CNNM2: variants seen among roughly 807,000 people sequenced by gnomAD.
CNNM2 encodes the protein metal transporter CNNM2.
A neutral mutation model predicts 66.9 loss-of-function variants in CNNM2; 12 were observed. The observed-to-expected ratio is 0.18, with a 90% CI of 0.11 to 0.29. The LOEUF (loss-of-function observed/expected upper bound fraction) is 0.29, where lower values mean the gene tolerates loss of function less well. Among genes scored for constraint, CNNM2 ranks in the 10% least tolerant of loss-of-function variants. The probability of loss-of-function intolerance (pLI) is 1.00; values close to 1 mark genes in which losing one functional copy is unlikely to be tolerated. For synonymous variants in CNNM2, 557 were observed against 501.8 expected, an observed-to-expected ratio of 1.11 and a Z score of -1.47; for missense variants, 705 against 1,167.7, an observed-to-expected ratio of 0.60 and a Z score of 5.77.
intron 1 of CNNM2, among the ~76,000 whole-genome samples, chr10:103,015,150 TATTC>T (rs909659013): frequency 6.6e-6 from 1 of 152,214 alleles, no homozygotes; most frequent in Non-Finnish European, 1.5e-5. Context: ...CACTACCATT[TATTC>T]ATTCAGGGGT....
intron 1 of CNNM2, among the ~76,000 whole-genome samples, chr10:103,001,252 T>C (rs2064117026): frequency 6.6e-6 from 1 of 152,050 alleles, no homozygotes; most frequent in South Asian, 2.1e-4. Context: ...GAGATGGGTG[T>C]TGGTGATGGT....
intron 1 of CNNM2, among the ~76,000 whole-genome samples, chr10:102,970,827 A>AG (rs2063535682): frequency 6.6e-6 from 1 of 152,156 alleles, no homozygotes; most frequent in African/African-American, 2.4e-5. Context: ...TCACCCTGGA[A>AG]GGGAAGAGAC....
intron 4 of CNNM2, among the ~76,000 whole-genome samples, chr10:103,061,670 A>G (rs959141657): frequency 6.6e-6 from 1 of 152,224 alleles, no homozygotes; most frequent in Non-Finnish European, 1.5e-5. Context: ...TATGGGCTTA[A>G]TCCTAAAATC....
At chr10:102,957,701 AGAAC>A (rs1214736422) in intron 1 of CNNM2, among the ~76,000 whole-genome samples, 1 of 152,138 alleles carries the variant, frequency 6.6e-6, no homozygotes, top group African/African-American at 2.4e-5. Flanking sequence ...CTAATAGGAG[AGAAC>A]CATCTTTTTA....
At chr10:103,018,534 A>G (rs934694164) in intron 1 of CNNM2, among the ~76,000 whole-genome samples, 1 of 152,074 alleles carries the variant, frequency 6.6e-6, no homozygotes, top group Non-Finnish European at 1.5e-5. Context: ...AGAAGTATAG[A>G]CAGAAGAAAA....
intron 1 of CNNM2, among the ~76,000 whole-genome samples, chr10:103,031,157 G>A (rs2064812447): frequency 6.6e-6 from 1 of 152,144 alleles, no homozygotes; most frequent in Non-Finnish European, 1.5e-5. Flanking sequence ...AGATGTGTGG[G>A]CTGCTTCCAA....
chr10:103,000,002 A>C (rs945775748), intron 1 of CNNM2, among the ~76,000 whole-genome samples: 4 of 152,112 alleles, frequency 2.6e-5, no homozygotes, highest in Admixed American at 2.0e-4. Flanking sequence ...TTGGGAGGTC[A>C]AGGCAGATGG....
At chr10:102,930,849 C>T (rs185419541) in intron 1 of CNNM2, among the ~76,000 whole-genome samples, 1 of 152,276 alleles carries the variant, frequency 6.6e-6, no homozygotes, top group Admixed American at 6.5e-5. Context: ...CAAGGTTCAT[C>T]CATGTTGTAG....
chr10:102,955,902 A>G (rs1165040678), intron 1 of CNNM2, among the ~76,000 whole-genome samples: 1 of 152,222 alleles, frequency 6.6e-6, no homozygotes, highest in East Asian at 1.9e-4. Context: ...CACGCCTGTA[A>G]TCCCAGCACT....
At position 103,079,076 on chromosome 10, in the gene CNNM2, C is replaced by T. The variant is rs1359644828; in HGVS notation, c.*1896C>T. On this transcript the variant is annotated 3_prime_UTR_variant, in exon 8 of 8. Coordinates refer to ENST00000369878, the MANE Select transcript of CNNM2 (RefSeq NM_017649.5). ...TGAGTGGCCTGCTACTGGCACGCAA[C>T]CTGCCCCCGTGGGATGAAGCCCCAC... is the stretch of plus-strand genomic sequence containing the variant. 1 of 152,282 alleles carries T rather than the reference C, an allele frequency of 6.6e-6. No individual in the cohort carries two copies. The highest frequency in any genetic ancestry group is 1.5e-5 in the Non-Finnish European group (1 of 68,114). The allele number at this position is 152,282 out of a possible 1,614,324, so 9.4% of individuals were successfully genotyped here. A position where few individuals can be genotyped will look rare whatever the true frequency, so the allele number is the denominator to read the frequency against.
intron 1 of CNNM2, among the ~76,000 whole-genome samples, chr10:102,985,600 C>G (rs1240988620): frequency 6.6e-6 from 1 of 152,200 alleles, no homozygotes; most frequent in Non-Finnish European, 1.5e-5. Flanking sequence ...CATGTTCTTT[C>G]TAGCCATCAA....
chr10:103,072,894 C>T (rs538526845), intron 6 of CNNM2, among the ~76,000 whole-genome samples: 5 of 152,334 alleles, frequency 3.3e-5, no homozygotes, highest in South Asian at 2.1e-4. Context: ...GGACTAGGGC[C>T]GCCCCAGAAT....
intron 5 of CNNM2, among the ~76,000 whole-genome samples, chr10:103,071,482 A>G (rs2065580812): frequency 6.6e-6 from 1 of 152,152 alleles, no homozygotes; most frequent in Non-Finnish European, 1.5e-5. Context: ...AGCCCTTAAG[A>G]GTAGCAGGTT....
At chr10:102,936,602 C>CTA (rs1846251386) in intron 1 of CNNM2, among the ~76,000 whole-genome samples, 1 of 150,678 alleles carries the variant, frequency 6.6e-6, no homozygotes, top group South Asian at 2.1e-4. Flanking sequence ...AGTCAATTGG[C>CTA]TAAAATACTC....
chr10:103,043,481 C>T (rs1196924574), intron 1 of CNNM2, among the ~76,000 whole-genome samples: 1 of 152,132 alleles, frequency 6.6e-6, no homozygotes. Context: ...CAGTTATTAC[C>T]ATCAAAATAC....
At chr10:102,968,472 C>T (rs1434094771) in intron 1 of CNNM2, among the ~76,000 whole-genome samples, 1 of 152,108 alleles carries the variant, frequency 6.6e-6, no homozygotes, top group Non-Finnish European at 1.5e-5. Context: ...GTCTCGAACT[C>T]CTAACCTTGT....
intron 1 of CNNM2, among the ~76,000 whole-genome samples, chr10:102,992,316 A>G (rs1420529161): frequency 8.3e-6 from 1 of 120,780 alleles, no homozygotes; most frequent in Non-Finnish European, 1.6e-5. Flanking sequence ...TCTCTTGCCC[A>G]GGCTGGAGTG....
In CNNM2 at chr10:102,919,051, C is replaced by T. The variant is rs1398967982; in HGVS notation, c.571C>T (p.Leu191=). The T allele has an allele frequency of 1.2e-6, 2 of 1,612,364 alleles. No individual in the cohort carries two copies. Among genetic ancestry groups the T allele is most frequent in the Non-Finnish European group, 1.7e-6 (2 of 1,179,486 alleles). ...GATGGAGAAGAGCAAGTCCTATTACCTGTGCACGTCGCTCTCCACGCCCGC... is the reference window on the plus strand; with the variant it reads ...GATGGAGAAGAGCAAGTCCTATTACTTGTGCACGTCGCTCTCCACGCCCGC... ...RKMEKSKSYY[L]CTSLSTPALG... The change falls in exon 1 of 8, where the codon CTG becomes TTG. Residue 191 remains leucine (L), a synonymous_variant. Transcript: ENST00000369878.
At chr10:102,944,815 T>C (rs887260780) in intron 1 of CNNM2, among the ~76,000 whole-genome samples, 1 of 152,184 alleles carries the variant, frequency 6.6e-6, no homozygotes, top group African/African-American at 2.4e-5. Context: ...ACTTGGCATG[T>C]CTCTTTGATG....
Sources: gnomAD v4.1 joint callset for allele counts (sites outside exome capture counted in the v4.1 genomes callset) on GRCh38, gnomAD v4.1.1 for gene constraint, MANE v1.5 for transcripts, NCBI Gene and HGNC (gene_info 2026-07-23, HGNC 2026-07-21) for gene names.